The following PCDH15 variants were observed in gnomAD, a reference collection of about 807,000 sequenced individuals.
PCDH15 encodes protocadherin-15.
A neutral mutation model predicts 178.5 loss-of-function variants in PCDH15; 129 were observed. The observed-to-expected ratio is 0.72, with a 90% CI of 0.63 to 0.84. PCDH15 has a LOEUF of 0.84. Among genes scored for constraint, PCDH15 ranks in the 40% least tolerant of loss-of-function variants. The pLI is 0.00. For synonymous variants in PCDH15, 800 were observed against 732.0 expected, an observed-to-expected ratio of 1.09 and a Z score of -1.50; for missense variants, 2,230 against 2,099.9, an observed-to-expected ratio of 1.06 and a Z score of -1.21.
intron 2 of PCDH15, among the ~76,000 whole-genome samples, chr10:55,570,771 C>T (rs1393196019): frequency 6.6e-6 from 1 of 151,940 alleles, no homozygotes; most frequent in Non-Finnish European, 1.5e-5. Context: ...TGATTTCCAT[C>T]CAGACTTAAT....
chr10:54,536,427 A>G (rs1302354505), intron 2 of PCDH15, among the ~76,000 whole-genome samples: 1 of 151,980 alleles, frequency 6.6e-6, no homozygotes, highest in African/African-American at 2.4e-5. Context: ...CATTTTTAAC[A>G]TTCAAAGGAA....
At chr10:54,136,592 G>A (rs1274999215) in intron 14 of PCDH15, among the ~76,000 whole-genome samples, 3 of 152,026 alleles carry the variant, frequency 2.0e-5, no homozygotes, top group African/African-American at 4.8e-5. Flanking sequence ...TATACTTTTT[G>A]TATTTCTTTA....
At chr10:54,702,557 A>AAAT (rs2095320674) in intron 1 of PCDH15, among the ~76,000 whole-genome samples, 1 of 151,250 alleles carries the variant, frequency 6.6e-6, no homozygotes. Flanking sequence ...AAAAAAAAAA[A>AAAT]ACCTTCAAGT....
chr10:53,824,024 A>C (rs1459299318), intron 32 of PCDH15, among the ~76,000 whole-genome samples: 1 of 152,084 alleles, frequency 6.6e-6, no homozygotes, highest in Non-Finnish European at 1.5e-5. Context: ...AATACCAATC[A>C]GGAAAAATTG....
At chr10:54,987,323 CAT>C (rs1250404205) in intron 2 of PCDH15, among the ~76,000 whole-genome samples, 2 of 152,160 alleles carry the variant, frequency 1.3e-5, no homozygotes, top group Admixed American at 6.5e-5. Flanking sequence ...CTGCAATAAA[CAT>C]ATGTGTCCAT....
chr10:54,241,877 C>A (rs2055340635), intron 8 of PCDH15, among the ~76,000 whole-genome samples: 2 of 151,096 alleles, frequency 1.3e-5, no homozygotes, highest in African/African-American at 4.9e-5. Context: ...GTTTAAGAAC[C>A]TTAAAATTAT....
intron 2 of PCDH15, among the ~76,000 whole-genome samples, chr10:54,653,239 T>G (rs754241408): frequency 7.2e-5 from 11 of 152,108 alleles, no homozygotes; most frequent in Non-Finnish European, 1.3e-4. Context: ...GCTAACAGAG[T>G]ATCCACGTGA....
At chr10:54,522,577 T>C (rs985696259) in intron 3 of PCDH15, among the ~76,000 whole-genome samples, 41 of 152,326 alleles carry the variant, frequency 2.7e-4, no homozygotes, top group African/African-American at 9.4e-4. Context: ...CAGTTGTTAA[T>C]CACACCTTGG....
chr10:54,994,819 G>T (rs557103940), intron 2 of PCDH15, among the ~76,000 whole-genome samples: 2,967 of 152,158 alleles, frequency 0.019, 38 homozygotes, highest in African/African-American at 0.024. Flanking sequence ...TGCTATTTGC[G>T]CTTCTTCTAC....
intron 2 of PCDH15, among the ~76,000 whole-genome samples, chr10:55,011,471 G>A (rs980311195): frequency 2.5e-4 from 38 of 152,086 alleles, no homozygotes; most frequent in African/African-American, 8.9e-4. Context: ...GAAAACTAAG[G>A]TCTCTTCTAA....
At chr10:54,765,230 G>A (rs1311237491) in intron 1 of PCDH15, among the ~76,000 whole-genome samples, 1 of 152,048 alleles carries the variant, frequency 6.6e-6, no homozygotes, top group African/African-American at 2.4e-5. Context: ...AGTAATTCCT[G>A]TATCCATACT....
At chr10:54,223,304 CAAAAAA>C (rs57667414) in intron 9 of PCDH15, among the ~76,000 whole-genome samples, 1 of 30,684 alleles carries the variant, frequency 3.3e-5, no homozygotes, top group Non-Finnish European at 1.1e-4. Context: ...AACTACGTCT[CAAAAAA>C]AAAAAAAAAA....
chr10:53,888,303 T>TGTAC (rs1554845182), intron 26 of PCDH15, among the ~76,000 whole-genome samples: 2 of 54,386 alleles, frequency 3.7e-5, no homozygotes, highest in Admixed American at 2.9e-4. Flanking sequence ...TATATATATA[T>TGTAC]ATATATGTAT....
chr10:54,680,561 A>G (rs1424293188), intron 1 of PCDH15, among the ~76,000 whole-genome samples: 4 of 152,120 alleles, frequency 2.6e-5, no homozygotes. Context: ...TTGTGTCCCC[A>G]CCCAAATCTC....
chr10:54,659,369 A>G (rs1399413935), intron 2 of PCDH15, among the ~76,000 whole-genome samples: 3 of 152,168 alleles, frequency 2.0e-5, no homozygotes, highest in Non-Finnish European at 4.4e-5. Context: ...AAAATTAACC[A>G]AATACTTGGA....
chr10:54,718,680 G>A (rs1256819451), intron 1 of PCDH15, among the ~76,000 whole-genome samples: 2 of 132,958 alleles, frequency 1.5e-5, no homozygotes, highest in African/African-American at 5.6e-5. Flanking sequence ...AGATCACACT[G>A]ATTCTTTTTT....
chr10:54,759,236 G>A (rs574815794), intron 1 of PCDH15, among the ~76,000 whole-genome samples: 2 of 152,232 alleles, frequency 1.3e-5, no homozygotes, highest in East Asian at 3.9e-4. Flanking sequence ...TTTTAGAAGT[G>A]TTCAATTCCA....
chr10:54,883,551 T>C (rs1954300482), intron 3 of PCDH15, among the ~76,000 whole-genome samples: 1 of 151,932 alleles, frequency 6.6e-6, no homozygotes, highest in Admixed American at 6.6e-5. Flanking sequence ...TTGAAGTAAA[T>C]ATGACTAAGA....
chr10:54,188,785 T>C (rs190556139), intron 11 of PCDH15, among the ~76,000 whole-genome samples: 2 of 151,938 alleles, frequency 1.3e-5, no homozygotes, highest in East Asian at 3.9e-4. Flanking sequence ...ATATAGGATA[T>C]CACAAACACA....
Sources: allele counts gnomAD v4.1 joint callset (sites outside exome capture counted in the v4.1 genomes callset), GRCh38; gene constraint gnomAD v4.1.1; transcripts MANE v1.5; gene names NCBI Gene and HGNC (gene_info 2026-07-23, HGNC 2026-07-21).